The following DIAPH2 variants were observed in gnomAD, a reference collection of about 807,000 sequenced individuals.
The protein encoded by DIAPH2 is diaphanous related formin 2.
DIAPH2 carries 35 observed loss-of-function variants against 92.7 expected under a neutral mutation model. The ratio of observed to expected loss-of-function variants is 0.38; its 90% confidence interval spans 0.29 to 0.50. The LOEUF (loss-of-function observed/expected upper bound fraction) is 0.50, where lower values mean the gene tolerates loss of function less well. Ranked by LOEUF, DIAPH2 falls within the 20% of genes least tolerant of loss-of-function variation. The pLI is 0.94. For synonymous variants in DIAPH2, 301 were observed against 280.4 expected, an observed-to-expected ratio of 1.07 and a Z score of -0.73; for missense variants, 701 against 819.5, an observed-to-expected ratio of 0.86 and a Z score of 1.77.
At chrX:97,232,578 A>G (rs1755288655) in intron 22 of DIAPH2, among the ~76,000 whole-genome samples, 1 of 110,853 alleles carries the variant, frequency 9.0e-6, no homozygotes, top group Admixed American at 9.7e-5. Flanking sequence ...CATTTGCCAT[A>G]TAACCTACAC....
Position 97,071,270 on chromosome X carries a change from C to T in DIAPH2, c.2051-1671C>T, listed in dbSNP as rs1012439074. ...TGTTGATTATTGCATATGAAAGACT[C>T]TATGCTCTTAGAAAGATCCTTTGAA... On this transcript the variant is annotated intron_variant, in intron 17 of 26. Transcript: ENST00000324765. 3.6e-5 allele frequency among the ~76,000 whole-genome samples: 4 copies of T among 111,569 alleles called. No homozygotes were observed. In the South Asian group the frequency reaches 1.5e-3, roughly 42 times the overall value.
At chrX:96,976,502 A>G (rs1379594752) in intron 17 of DIAPH2, among the ~76,000 whole-genome samples, 1 of 110,752 alleles carries the variant, frequency 9.0e-6, no homozygotes, top group Non-Finnish European at 1.9e-5. Flanking sequence ...TCACTTTACC[A>G]AAGTGTTTTT....
intron 22 of DIAPH2, among the ~76,000 whole-genome samples, chrX:97,205,030 A>G (rs1399852165): frequency 1.8e-5 from 2 of 110,608 alleles, no homozygotes; most frequent in Non-Finnish European, 3.8e-5. Context: ...CACATCTAAA[A>G]CCATCTGATC....
intron 17 of DIAPH2, among the ~76,000 whole-genome samples, chrX:97,045,961 C>T (rs987968381): frequency 9.8e-6 from 1 of 101,745 alleles, no homozygotes; most frequent in South Asian, 4.8e-4. Flanking sequence ...TCAAGCGATT[C>T]TCGTGCCTCA....
chrX:97,153,413 T>C (rs1338196465), intron 22 of DIAPH2, among the ~76,000 whole-genome samples: 2 of 110,136 alleles, frequency 1.8e-5, no homozygotes, highest in African/African-American at 6.6e-5. Flanking sequence ...TGAAACCTCG[T>C]CTCTACTAAA....
intron 1 of DIAPH2, among the ~76,000 whole-genome samples, chrX:96,692,189 C>T (rs1206478591): frequency 3.6e-5 from 4 of 111,941 alleles, no homozygotes; most frequent in Admixed American, 9.5e-5. Context: ...ACCATCTATC[C>T]ATTGCCCAGA....
At chrX:97,328,768 C>T (rs752136246) in intron 23 of DIAPH2, among the ~76,000 whole-genome samples, 1 of 111,211 alleles carries the variant, frequency 9.0e-6, no homozygotes, top group Non-Finnish European at 1.9e-5. Flanking sequence ...AAAATGAGCT[C>T]TAATATATAT....
At chrX:96,882,596 A>T (rs2065220918) in intron 5 of DIAPH2, among the ~76,000 whole-genome samples, 1 of 110,927 alleles carries the variant, frequency 9.0e-6, no homozygotes, top group South Asian at 3.9e-4. Context: ...TCCTTTATTA[A>T]GCCTTTAAAT....
At chrX:97,258,154 G>T (rs902365241) in intron 23 of DIAPH2, among the ~76,000 whole-genome samples, 3 of 112,229 alleles carry the variant, frequency 2.7e-5, no homozygotes, top group Admixed American at 9.4e-5. Context: ...CAGATGTTCA[G>T]TGTTAAACTT....
chrX:96,704,806 A>T lies in DIAPH2; in HGVS notation c.132+19616A>T, dbSNP rs754095323. On this transcript the variant is annotated intron_variant, in intron 1 of 26. Coordinates refer to ENST00000324765, the MANE Select transcript of DIAPH2 (RefSeq NM_006729.5). ...TATTATAAGGAAAACAGCTGTATATAACCTCAGTATTCGGTAAGTTCCATA... is the reference window on the plus strand; with the variant it reads ...TATTATAAGGAAAACAGCTGTATATTACCTCAGTATTCGGTAAGTTCCATA... Among the ~76,000 whole-genome samples, 289 of 111,162 alleles carry T rather than the reference A, an allele frequency of 2.6e-3. 2 individuals are homozygous for T. Among genetic ancestry groups the T allele is most frequent in the African/African-American group, 8.9e-3 (271 of 30,612 alleles).
chrX:97,085,119 A>G (rs1299308693), intron 19 of DIAPH2, among the ~76,000 whole-genome samples: 1 of 111,247 alleles, frequency 9.0e-6, no homozygotes, highest in Non-Finnish European at 1.9e-5. Context: ...TTTTGTTTAG[A>G]TTTTGTTTTA....
Position 97,447,851 on chromosome X carries a change from A to G in DIAPH2, c.3241+18106A>G, listed in dbSNP as rs778381010. ...TTTGTTGAGGCTCCCTCCCTTGTTT[A>G]TTTCTTCCCCTCCAAAGCATGCCTG... is the stretch of plus-strand genomic sequence containing the variant. On this transcript the variant is annotated intron_variant, in intron 26 of 26. Transcript: ENST00000324765. 5.4e-5 allele frequency among the ~76,000 whole-genome samples: 6 copies of G among 111,108 alleles called. No individual in the cohort carries two copies. In the East Asian group the frequency reaches 1.7e-3, roughly 31 times the overall value.
intron 17 of DIAPH2, among the ~76,000 whole-genome samples, chrX:96,980,139 G>A (rs2065985888): frequency 9.0e-6 from 1 of 111,576 alleles, no homozygotes; most frequent in Admixed American, 9.5e-5. Flanking sequence ...CTTTTCACGA[G>A]GGCAGAGAGT....
intron 26 of DIAPH2, among the ~76,000 whole-genome samples, chrX:97,499,900 T>C (rs1259511140): frequency 2.7e-5 from 3 of 112,525 alleles, no homozygotes; most frequent in Non-Finnish European, 5.6e-5. Flanking sequence ...CCCCTTGCTC[T>C]CTTACCAACT....
At chrX:96,969,510 T>C (rs1235498546) in intron 17 of DIAPH2, among the ~76,000 whole-genome samples, 3 of 109,483 alleles carry the variant, frequency 2.7e-5, no homozygotes, top group African/African-American at 6.7e-5. Context: ...GTAAATGATA[T>C]TGTGTTCTTG....
At chrX:97,545,438 T>C (rs189049367) in intron 26 of DIAPH2, among the ~76,000 whole-genome samples, 140 of 106,189 alleles carry the variant, frequency 1.3e-3, no homozygotes, top group Non-Finnish European at 2.0e-3. Flanking sequence ...GAATTAAAAA[T>C]GAATGTGAGG....
At chrX:96,788,731 A>G (rs1405664541) in intron 4 of DIAPH2, among the ~76,000 whole-genome samples, 1 of 112,087 alleles carries the variant, frequency 8.9e-6, no homozygotes, top group Non-Finnish European at 1.9e-5. Flanking sequence ...AAGCCCCTTT[A>G]TACAAAGGAT....
intron 4 of DIAPH2, among the ~76,000 whole-genome samples, chrX:96,786,039 G>A (rs1282104044): frequency 9.0e-6 from 1 of 111,679 alleles, no homozygotes; most frequent in Non-Finnish European, 1.9e-5. Context: ...ACAAGTAGAT[G>A]AGTAGGGTCA....
intron 4 of DIAPH2, among the ~76,000 whole-genome samples, chrX:96,763,775 C>T (rs1333345325): frequency 2.7e-5 from 3 of 111,336 alleles, no homozygotes; most frequent in African/African-American, 6.5e-5. Context: ...TTATATAACA[C>T]GCCCAAAGTG....
Sources: allele counts gnomAD v4.1 joint callset (sites outside exome capture counted in the v4.1 genomes callset), GRCh38; gene constraint gnomAD v4.1.1; transcripts MANE v1.5; gene names NCBI Gene and HGNC (gene_info 2026-07-23, HGNC 2026-07-21).